The following CCSER1 variants were observed in gnomAD, a reference collection of about 807,000 sequenced individuals.
CCSER1 encodes the protein serine-rich coiled-coil domain-containing protein 1.
Under a neutral mutation model 82.0 loss-of-function variants are expected in CCSER1, and 41 were observed. The observed-to-expected ratio is 0.50, with a 90% confidence interval of 0.39 to 0.65. The LOEUF (loss-of-function observed/expected upper bound fraction) is 0.65, where lower values mean the gene tolerates loss of function less well. Ranked by LOEUF, CCSER1 falls within the 30% of genes least tolerant of loss-of-function variation. The probability of loss-of-function intolerance (pLI) is 0.00; values close to 1 mark genes in which losing one functional copy is unlikely to be tolerated. For missense variants in CCSER1, 1,119 were observed against 1,064.2 expected, an observed-to-expected ratio of 1.05 and a Z score of -0.72; for synonymous variants, 414 against 383.9, an observed-to-expected ratio of 1.08 and a Z score of -0.92.
chr4:90,658,824 C>T (rs1409805623), intron 6 of CCSER1, among the ~76,000 whole-genome samples: 2 of 152,104 alleles, frequency 1.3e-5, no homozygotes, highest in Non-Finnish European at 2.9e-5. Context: ...AGTATGGGAC[C>T]ATTGAATTTG....
At chr4:90,382,983 T>C (rs1312482735) in intron 3 of CCSER1, among the ~76,000 whole-genome samples, 5 of 152,178 alleles carry the variant, frequency 3.3e-5, no homozygotes, top group Non-Finnish European at 7.4e-5. Flanking sequence ...AATTTATTAA[T>C]ATATTCAAGG....
intron 4 of CCSER1, among the ~76,000 whole-genome samples, chr4:90,434,953 G>A (rs369202301): frequency 2.0e-5 from 3 of 152,104 alleles, no homozygotes; most frequent in South Asian, 4.1e-4. Flanking sequence ...TGGCCTCTGC[G>A]TGAATGTAAA....
At chr4:90,400,187 A>T (rs1752615779) in intron 4 of CCSER1, 58 bp downstream of exon 4, 2 of 905,208 alleles carry the variant, frequency 2.2e-6, no homozygotes, top group African/African-American at 3.3e-5. Context: ...AGTAGCTTTC[A>T]CTGATAGCCT....
intron 10 of CCSER1, among the ~76,000 whole-genome samples, chr4:91,174,161 A>C (rs1176211627): frequency 6.6e-6 from 1 of 152,134 alleles, no homozygotes; most frequent in Non-Finnish European, 1.5e-5. Context: ...ACTTTGAAAA[A>C]CTGTTTAAAG....
intron 9 of CCSER1, among the ~76,000 whole-genome samples, chr4:91,055,960 T>G (rs1743408776): frequency 6.6e-6 from 1 of 152,264 alleles, no homozygotes; most frequent in East Asian, 1.9e-4. Flanking sequence ...TTCTTTTAGC[T>G]GCTCATGTCT....
intron 5 of CCSER1, among the ~76,000 whole-genome samples, chr4:90,539,537 T>G (rs10030564): frequency 0.16 from 24,331 of 151,998 alleles, 2,535 homozygotes; most frequent in East Asian, 0.44. Flanking sequence ...ATTGTTATTA[T>G]AATTTGATTG....
At chr4:91,534,354 A>G (rs919481535) in intron 10 of CCSER1, among the ~76,000 whole-genome samples, 3 of 152,096 alleles carry the variant, frequency 2.0e-5, no homozygotes, top group African/African-American at 7.2e-5. Context: ...GGTTTTAAGT[A>G]TGTATCTAAA....
At chr4:90,782,972 C>T (rs898386556) in intron 7 of CCSER1, among the ~76,000 whole-genome samples, 7 of 151,984 alleles carry the variant, frequency 4.6e-5, no homozygotes, top group African/African-American at 7.3e-5. Context: ...CTCGCTCTGC[C>T]GCGCAGGCTG....
At chr4:91,111,088 A>G (rs1198848691) in intron 10 of CCSER1, among the ~76,000 whole-genome samples, 3 of 151,832 alleles carry the variant, frequency 2.0e-5, no homozygotes, top group African/African-American at 7.2e-5. Flanking sequence ...ATGTGGTTGA[A>G]TTTTTTTTAA....
chr4:91,085,944 T>C lies in CCSER1; in HGVS notation c.2173-6T>C. On this transcript the variant is annotated splice_polypyrimidine_tract_variant and splice_region_variant and intron_variant, in intron 9 of 10. Transcript: ENST00000509176. ...AATAATAATATACTTTGCTTTTCTT[T>C]TTCAGGGTTTAAACTTGAAAAGACT... 6.7e-7 allele frequency: 1 copy of C among 1,499,000 alleles called. No individual in the cohort carries two copies. Among genetic ancestry groups the C allele is most frequent in the Non-Finnish European group, 9.1e-7 (1 of 1,100,044 alleles). 92.9% of individuals were successfully genotyped at this position (1,499,000 alleles called of 1,614,324 possible). A position where few individuals can be genotyped will look rare whatever the true frequency, so the allele number is the denominator to read the frequency against.
chr4:91,202,961 G>T (rs1736053058), intron 10 of CCSER1, among the ~76,000 whole-genome samples: 1 of 150,808 alleles, frequency 6.6e-6, no homozygotes, highest in South Asian at 2.1e-4. Flanking sequence ...TGTTGTTAAA[G>T]AATATCTTAA....
At chr4:90,255,191 A>G (rs1407393064) in intron 1 of CCSER1, among the ~76,000 whole-genome samples, 1 of 152,172 alleles carries the variant, frequency 6.6e-6, no homozygotes, top group Non-Finnish European at 1.5e-5. Flanking sequence ...TTCAAATACC[A>G]TCAGAATTTC....
intron 10 of CCSER1, among the ~76,000 whole-genome samples, chr4:91,134,251 T>C (rs1012899761): frequency 2.6e-5 from 4 of 152,036 alleles, no homozygotes; most frequent in Admixed American, 1.3e-4. Flanking sequence ...AAAAAGATTA[T>C]TGGGGTGTAG....
chr4:91,569,836 A>G (rs1763081290), intron 10 of CCSER1, among the ~76,000 whole-genome samples: 1 of 152,160 alleles, frequency 6.6e-6, no homozygotes, highest in Non-Finnish European at 1.5e-5. Flanking sequence ...TTAAAAGCAT[A>G]ATAATGCCTT....
chr4:91,083,075 T>G (rs1425349343), intron 9 of CCSER1, among the ~76,000 whole-genome samples: 1 of 152,216 alleles, frequency 6.6e-6, no homozygotes, highest in African/African-American at 2.4e-5. Flanking sequence ...ATACTCAAAA[T>G]ATTATAAATC....
chr4:90,315,142 G>T (rs937788978), intron 3 of CCSER1, among the ~76,000 whole-genome samples: 1 of 151,996 alleles, frequency 6.6e-6, no homozygotes, highest in Non-Finnish European at 1.5e-5. Context: ...GAGCCACCAC[G>T]CTCAGCCCTC....
chr4:91,456,601 T>C lies in CCSER1; in HGVS notation c.2218-141971T>C, dbSNP rs751070865. On this transcript the variant is annotated intron_variant, in intron 10 of 10. Coordinates refer to ENST00000509176, the MANE Select transcript of CCSER1 (RefSeq NM_001145065.2). ...TGTATTGAAGTAGTCATTCTGAAAA[T>C]AGAATTTTAAAAAATCCTATTTCAC... 3.9e-5 allele frequency among the ~76,000 whole-genome samples: 6 copies of C among 152,216 alleles called. No individual in the cohort carries two copies. The South Asian group carries it at 8.3e-4, about 21-fold the overall frequency.
At chr4:90,369,796 T>C (rs928596601) in intron 3 of CCSER1, among the ~76,000 whole-genome samples, 1 of 152,002 alleles carries the variant, frequency 6.6e-6, no homozygotes, top group African/African-American at 2.4e-5. Flanking sequence ...TAAGAAATAT[T>C]TTGCTGCTGT....
chr4:91,064,122 G>A (rs937677469), intron 9 of CCSER1, among the ~76,000 whole-genome samples: 1 of 152,166 alleles, frequency 6.6e-6, no homozygotes, highest in Non-Finnish European at 1.5e-5. Flanking sequence ...GGAATTAAAT[G>A]TTAGAAGATA....
Sources: gnomAD v4.1 joint callset for allele counts (sites outside exome capture counted in the v4.1 genomes callset) on GRCh38, gnomAD v4.1.1 for gene constraint, MANE v1.5 for transcripts, NCBI Gene and HGNC (gene_info 2026-07-23, HGNC 2026-07-21) for gene names.